Variants in GRK5 observed in about 807,000 individuals in gnomAD.
GRK5 encodes the protein g protein-coupled receptor kinase GRK5.
In GRK5, 40 loss-of-function variants were observed where a neutral mutation model predicts 78.4. The observed-to-expected ratio is 0.51, with a 90% CI of 0.40 to 0.66. The LOEUF is 0.66. GRK5 is among the 30% of genes least tolerant of loss of function. The pLI, the probability that GRK5 is intolerant of heterozygous loss-of-function variation, is 0.00. For synonymous variants in GRK5, 289 were observed against 296.8 expected (o/e 0.97, Z 0.27); for missense variants, 598 against 759.9 (o/e 0.79, Z 2.50).
chr10:119,252,026 G>A (rs140639981), intron 1 of GRK5, among the ~76,000 whole-genome samples: 3 of 152,338 alleles, frequency 2.0e-5, no homozygotes, highest in East Asian at 3.9e-4. Flanking sequence ...CTGGACAGAT[G>A]TGCCAAGTAC....
intron 1 of GRK5, among the ~76,000 whole-genome samples, 162 bp from the exon 2 acceptor site, chr10:119,326,354 A>AGT (rs1479514395): frequency 6.6e-6 from 1 of 152,056 alleles, no homozygotes; most frequent in Non-Finnish European, 1.5e-5. Context: ...TGGGAGGAAG[A>AGT]GTGTGTGTGT....
chr10:119,428,989 C>T (rs751636503), intron 6 of GRK5, among the ~76,000 whole-genome samples: 1 of 152,270 alleles, frequency 6.6e-6, no homozygotes, highest in African/African-American at 2.4e-5. Flanking sequence ...AGGCGGGCCG[C>T]CTTCATGTGG....
chr10:119,439,476 T>TA (rs1852987493), intron 9 of GRK5, among the ~76,000 whole-genome samples: 1 of 152,274 alleles, frequency 6.6e-6, no homozygotes, highest in Non-Finnish European at 1.5e-5. Context: ...TGACTGGCCT[T>TA]TTCCTAACTT....
chr10:119,344,790 TGTGC>T (rs1851050610), intron 2 of GRK5, among the ~76,000 whole-genome samples: 2 of 152,154 alleles, frequency 1.3e-5, no homozygotes, highest in South Asian at 4.1e-4. Flanking sequence ...GGGGTCAGAA[TGTGC>T]GTGTGGGGTG....
At position 119,207,753 on chromosome 10, in the gene GRK5, A is replaced by G. The variant is rs933967702; in HGVS notation, c.-165A>G. Reference sequence around the variant, plus strand: ...CGGCGGCTCCTCTTTGCAGAGGGGGAAACTCTTGGGCTGAGAGCAGGAATA... The same window carrying G: ...CGGCGGCTCCTCTTTGCAGAGGGGGGAACTCTTGGGCTGAGAGCAGGAATA... On this transcript the variant is annotated 5_prime_UTR_variant, in exon 1 of 16. Coordinates refer to ENST00000392870, the MANE Select transcript of GRK5 (RefSeq NM_005308.3). The G allele has an allele frequency of 6.4e-5, 41 of 642,072 alleles. No homozygotes were observed. In the African/African-American group the frequency reaches 6.9e-4, roughly 11 times the overall value. 39.8% of individuals were successfully genotyped at this position (642,072 alleles called of 1,614,324 possible). A position where few individuals can be genotyped will look rare whatever the true frequency, so the allele number is the denominator to read the frequency against.
intron 1 of GRK5, among the ~76,000 whole-genome samples, chr10:119,270,937 C>T (rs1362363176): frequency 1.3e-5 from 2 of 152,224 alleles, no homozygotes; most frequent in African/African-American, 4.8e-5. Flanking sequence ...CCTGGCGGAA[C>T]ACAAATGTGG....
At chr10:119,215,931 T>C (rs926762493) in intron 1 of GRK5, among the ~76,000 whole-genome samples, 3 of 152,124 alleles carry the variant, frequency 2.0e-5, no homozygotes, top group Non-Finnish European at 4.4e-5. Context: ...CAAAACCATT[T>C]TAAGGGTTTT....
intron 1 of GRK5, among the ~76,000 whole-genome samples, chr10:119,290,376 C>CTGTCCCCTTCTCCCTG (rs1849933384): frequency 7.3e-6 from 1 of 137,688 alleles, no homozygotes; most frequent in Non-Finnish European, 1.6e-5. Context: ...AAAAACAACT[C>CTGTCCCCTTCTCCCTG]TGTCCCCTTC....
chr10:119,402,139 G>A (rs748312038), intron 4 of GRK5, among the ~76,000 whole-genome samples: 1 of 152,238 alleles, frequency 6.6e-6, no homozygotes, highest in Non-Finnish European at 1.5e-5. Context: ...CCAGTGGGGA[G>A]GCTGGGAAAG....
chr10:119,260,848 C>T (rs2133652963), intron 1 of GRK5, among the ~76,000 whole-genome samples: 1 of 152,110 alleles, frequency 6.6e-6, no homozygotes, highest in African/African-American at 2.4e-5. Context: ...TCAATCTTTT[C>T]CCCACCTTTC....
rs138483840 is a variant in GRK5 at position 119,215,896 on chromosome 10, G to C, written c.52+7927G>C. 9.4e-3 allele frequency among the ~76,000 whole-genome samples: 1,433 copies of C among 152,272 alleles called. 18 individuals carry two copies. Among genetic ancestry groups the C allele is most frequent in the African/African-American group, 0.033 (1,385 of 41,554 alleles). On this transcript the variant is annotated intron_variant, in intron 1 of 15. Coordinates refer to ENST00000392870, the MANE Select transcript of GRK5 (RefSeq NM_005308.3). ...TAGAAAGAAACCTCCACAGGCAGGT[G>C]ATCTAAAATGGGGGTGAAGACAGGC...
intron 1 of GRK5, among the ~76,000 whole-genome samples, chr10:119,320,335 C>T (rs1850563344): frequency 6.6e-6 from 1 of 152,180 alleles, no homozygotes; most frequent in African/African-American, 2.4e-5. Flanking sequence ...TGATGACGGG[C>T]AAGGAAACAA....
intron 3 of GRK5, among the ~76,000 whole-genome samples, chr10:119,387,582 A>G (rs983739975): frequency 1.3e-5 from 2 of 152,226 alleles, no homozygotes; most frequent in African/African-American, 4.8e-5. Flanking sequence ...GAGTTTGCCC[A>G]GCTGGTCAGG....
chr10:119,402,913 C>A (rs918452809), intron 4 of GRK5, among the ~76,000 whole-genome samples: 1 of 152,208 alleles, frequency 6.6e-6, no homozygotes, highest in Non-Finnish European at 1.5e-5. Flanking sequence ...TGGTATAATT[C>A]TCATACCATA....
At chr10:119,291,153 G>C (rs962629591) in intron 1 of GRK5, among the ~76,000 whole-genome samples, 3 of 152,132 alleles carry the variant, frequency 2.0e-5, no homozygotes, top group Non-Finnish European at 2.9e-5. Context: ...GGTATGGGGT[G>C]ATCTGGCTGG....
chr10:119,407,632 A>G (rs1329564108), intron 4 of GRK5, among the ~76,000 whole-genome samples: 1 of 152,272 alleles, frequency 6.6e-6, no homozygotes, highest in African/African-American at 2.4e-5. Flanking sequence ...GCTTTAGTGC[A>G]TTCTATCTTC....
chr10:119,433,911 A>G (rs1589808196), intron 8 of GRK5, among the ~76,000 whole-genome samples: 1 of 152,168 alleles, frequency 6.6e-6, no homozygotes, highest in African/African-American at 2.4e-5. Context: ...GAGACTGAGC[A>G]ATTTACAAAA....
chr10:119,304,956 T>C (rs1451818833), intron 1 of GRK5, among the ~76,000 whole-genome samples: 1 of 152,074 alleles, frequency 6.6e-6, no homozygotes, highest in African/African-American at 2.4e-5. Flanking sequence ...TCCCTACCTG[T>C]TTTTCTTTCA....
At chr10:119,399,553 G>A (rs1852113306) in intron 4 of GRK5, among the ~76,000 whole-genome samples, 1 of 152,216 alleles carries the variant, frequency 6.6e-6, no homozygotes, top group Admixed American at 6.5e-5. Flanking sequence ...GACCATAGGA[G>A]AGTGGCCAGT....
Sources: allele counts gnomAD v4.1 joint callset (sites outside exome capture counted in the v4.1 genomes callset), GRCh38; gene constraint gnomAD v4.1.1; transcripts MANE v1.5; gene names NCBI Gene and HGNC (gene_info 2026-07-23, HGNC 2026-07-21).